Variants in BICD1 observed in about 807,000 individuals in gnomAD.
BICD1 encodes the protein protein bicaudal D homolog 1.
Under a neutral mutation model 92.5 loss-of-function variants are expected in BICD1, and 35 were observed. That is an observed-to-expected ratio of 0.38 (90% CI 0.29 to 0.50). The LOEUF is 0.50. Among genes scored for constraint, BICD1 ranks in the 20% least tolerant of loss-of-function variants. BICD1 has a pLI of 0.93. For missense variants in BICD1, 950 were observed against 1,189.8 expected (o/e 0.80, Z 2.97); for synonymous variants, 429 against 465.1 (o/e 0.92, Z 1.00).
intron 2 of BICD1, among the ~76,000 whole-genome samples, chr12:32,263,070 GGCTGTAGTGAGCTATGATCTGGCCACT>G (rs1292429771): frequency 6.6e-6 from 1 of 152,046 alleles, no homozygotes; most frequent in African/African-American, 2.4e-5. Flanking sequence ...GGGCAGCCAA[GGCTGTAGTGAGCTATGATCTGGCCACT>G]GCACTCCAGC....
At chr12:32,348,968 C>T (rs1938753618) in intron 8 of BICD1, among the ~76,000 whole-genome samples, 2 of 152,000 alleles carry the variant, frequency 1.3e-5, no homozygotes, top group African/African-American at 4.8e-5. Context: ...ACCCTCAAGA[C>T]AGAGAATAGC....
intron 4 of BICD1, among the ~76,000 whole-genome samples, chr12:32,314,216 A>G (rs1948445073): frequency 1.3e-5 from 2 of 152,190 alleles, no homozygotes; most frequent in Non-Finnish European, 1.5e-5. Flanking sequence ...GCTATTATCA[A>G]TAAAGCTGCT....
chr12:32,332,723 A>T, intron 5 of BICD1: 1 of 456,502 alleles, frequency 2.2e-6, no homozygotes, highest in Non-Finnish European at 2.9e-6. Context: ...TTAGTTTGTT[A>T]TTAAAGGATA....
chr12:32,288,277 G>C (rs1947632806), intron 2 of BICD1, among the ~76,000 whole-genome samples: 1 of 145,598 alleles, frequency 6.9e-6, no homozygotes, highest in Non-Finnish European at 1.5e-5. Context: ...TGTAGCCCAG[G>C]CTGGAGTGTA....
At chr12:32,284,889 C>G (rs1947522558) in intron 2 of BICD1, among the ~76,000 whole-genome samples, 1 of 152,182 alleles carries the variant, frequency 6.6e-6, no homozygotes, top group South Asian at 2.1e-4. Flanking sequence ...CGACACTAGA[C>G]TAATTTAACA....
At position 32,216,321 on chromosome 12, in the gene BICD1, G is replaced by A; in HGVS notation, c.288G>A (p.Gln96=). The A allele has an allele frequency of 2.5e-6, 4 of 1,614,198 alleles. No individual in the cohort carries two copies. The highest frequency in any genetic ancestry group is 3.4e-6 in the Non-Finnish European group (4 of 1,180,038). ...DGETREETLL[Q]ESASKEAYYL... ...AGACTCGGGAGGAAACGCTTCTGCA[G>A]GAGTCAGCATCGAAGGAGGCTTACT... is the stretch of plus-strand genomic sequence containing the variant. Residue 96 remains glutamine, a synonymous_variant, in exon 2 of 10, where the codon CAG becomes CAA. Coordinates refer to ENST00000652176, the MANE Select transcript of BICD1 (RefSeq NM_001714.4).
intron 5 of BICD1, chr12:32,333,289 T>C: frequency 1.0e-6 from 1 of 978,106 alleles, no homozygotes; most frequent in Non-Finnish European, 1.2e-6. Context: ...TTTCTGAAGA[T>C]TCCTCCAAGT....
At chr12:32,341,419 G>T (rs1336303301) in intron 8 of BICD1, among the ~76,000 whole-genome samples, 1 of 147,486 alleles carries the variant, frequency 6.8e-6, no homozygotes, top group Non-Finnish European at 1.5e-5. Flanking sequence ...AACCGAGATC[G>T]CACCACTACA....
rs1388760158 is a variant in BICD1, at chr12:32,107,803, C to T, written c.213+259C>T. ...GCGGGGGAGGGAGATTAGTAAGAGT[C>T]ATCAAGTCTCAGCACTCTAAGACGA... On this transcript the variant is annotated intron_variant, in intron 1 of 9. Coordinates refer to ENST00000652176, the MANE Select transcript of BICD1 (RefSeq NM_001714.4). 3 of 698,794 alleles carry T rather than the reference C, an allele frequency of 4.3e-6. No individual in the cohort carries two copies. The Admixed American group carries it at 6.0e-5, about 14-fold the overall frequency. The allele number at this position is 698,794 out of a possible 1,614,324, so 43.3% of individuals were successfully genotyped here. A position where few individuals can be genotyped will look rare whatever the true frequency, so the allele number is the denominator to read the frequency against.
intron 8 of BICD1, among the ~76,000 whole-genome samples, chr12:32,354,765 T>G (rs1939035388): frequency 6.6e-6 from 1 of 152,256 alleles, no homozygotes; most frequent in Non-Finnish European, 1.5e-5. Flanking sequence ...TACCATTAAA[T>G]TCATCATTAG....
At chr12:32,143,040 A>G (rs1942995629) in intron 1 of BICD1, among the ~76,000 whole-genome samples, 1 of 152,116 alleles carries the variant, frequency 6.6e-6, no homozygotes, top group African/African-American at 2.4e-5. Flanking sequence ...CCTCCTGATT[A>G]TATTTTTTGT....
intron 4 of BICD1, among the ~76,000 whole-genome samples, chr12:32,306,388 T>C (rs113552681): frequency 0.038 from 5,843 of 151,812 alleles, 363 homozygotes; most frequent in African/African-American, 0.13. Context: ...GGACTACAGG[T>C]GCCCGCCACC....
intron 3 of BICD1, among the ~76,000 whole-genome samples, chr12:32,298,870 CAAAAA>C (rs59280755): frequency 7.1e-5 from 4 of 56,104 alleles, no homozygotes; most frequent in Non-Finnish European, 7.4e-5. Flanking sequence ...AACTCCATCT[CAAAAA>C]AAAAAAAAAA....
intron 3 of BICD1, among the ~76,000 whole-genome samples, chr12:32,301,700 G>T (rs1948051489): frequency 6.6e-6 from 1 of 151,814 alleles, no homozygotes. Flanking sequence ...GATTGAGACT[G>T]GGAGATCAAG....
intron 1 of BICD1, among the ~76,000 whole-genome samples, chr12:32,188,145 C>A (rs1330754317): frequency 6.6e-6 from 1 of 152,160 alleles, no homozygotes; most frequent in Non-Finnish European, 1.5e-5. Flanking sequence ...ACCATGTGGG[C>A]TGGGCTGGTC....
intron 2 of BICD1, among the ~76,000 whole-genome samples, chr12:32,256,800 A>G (rs1946731938): frequency 6.6e-6 from 1 of 152,220 alleles, no homozygotes; most frequent in African/African-American, 2.4e-5. Flanking sequence ...AAACACTGAC[A>G]TGAACAGATT....
intron 2 of BICD1, among the ~76,000 whole-genome samples, chr12:32,239,812 T>C (rs573883869): frequency 6.6e-6 from 1 of 151,918 alleles, no homozygotes; most frequent in African/African-American, 2.4e-5. Context: ...TTCACCATGT[T>C]GGTCAGGCTG....
chr12:32,256,930 T>C (rs1157722583), intron 2 of BICD1, among the ~76,000 whole-genome samples: 1 of 152,140 alleles, frequency 6.6e-6, no homozygotes, highest in Non-Finnish European at 1.5e-5. Flanking sequence ...TAAAATCTTT[T>C]CTGGCTGGGT....
chr12:32,372,540 G>T (rs1939778785), intron 9 of BICD1, among the ~76,000 whole-genome samples: 1 of 152,062 alleles, frequency 6.6e-6, no homozygotes, highest in Non-Finnish European at 1.5e-5. Context: ...AGCTTTTAAG[G>T]TGAATGATTT....
Sources: gnomAD v4.1 joint callset for allele counts (sites outside exome capture counted in the v4.1 genomes callset) on GRCh38, gnomAD v4.1.1 for gene constraint, MANE v1.5 for transcripts, NCBI Gene and HGNC (gene_info 2026-07-23, HGNC 2026-07-21) for gene names.